Variants in ZNF317 observed in about 807,000 individuals in gnomAD.
The protein encoded by ZNF317 is KRAB-containing zinc finger protein 317.
ZNF317 carries 17 observed loss-of-function variants against 23.4 expected under a neutral mutation model. The observed-to-expected ratio is 0.73, with a 90% CI of 0.50 to 1.09. The LOEUF (loss-of-function observed/expected upper bound fraction) is 1.09. Among genes scored for constraint, ZNF317 ranks in the 50% least tolerant of loss-of-function variants. The pLI, the probability that ZNF317 is intolerant of heterozygous loss-of-function variation, is 0.00. For synonymous variants in ZNF317, 317 were observed against 314.9 expected (o/e 1.01, Z -0.07); for missense variants, 679 against 796.7 (o/e 0.85, Z 1.78).
At chr19:9,151,633 T>C (rs8107772) in intron 1 of ZNF317, among the ~76,000 whole-genome samples, 14,875 of 152,178 alleles carry the variant, frequency 0.098, 869 homozygotes, top group African/African-American at 0.17. Flanking sequence ...TTTGATGTTA[T>C]TTCCTTAATG....
At chr19:9,156,988 G>A (rs184311015) in intron 3 of ZNF317, 89 of 638,496 alleles carry the variant, frequency 1.4e-4, no homozygotes, top group Non-Finnish European at 1.8e-4. Context: ...CCCCAGAGAC[G>A]GGGGGAAATA....
At chr19:9,151,891 G>C (rs1038420626) in intron 1 of ZNF317, among the ~76,000 whole-genome samples, 10 of 149,834 alleles carry the variant, frequency 6.7e-5, no homozygotes, top group African/African-American at 2.5e-4. Flanking sequence ...CACCAGTGAA[G>C]CCCCTTGGTC....
intron 1 of ZNF317, among the ~76,000 whole-genome samples, chr19:9,142,101 C>T (rs777333127): frequency 9.2e-5 from 14 of 152,126 alleles, no homozygotes; most frequent in Non-Finnish European, 1.6e-4. Flanking sequence ...CCACGATGTC[C>T]GGCTCAGTAA....
intron 1 of ZNF317, among the ~76,000 whole-genome samples, chr19:9,142,300 CTTTT>C (rs962218430): frequency 1.3e-5 from 2 of 150,970 alleles, no homozygotes; most frequent in South Asian, 2.1e-4. Flanking sequence ...GATAAATTGT[CTTTT>C]TTGTTTGTTT....
chr19:9,160,382 G>C lies in ZNF317; in HGVS notation c.737G>C (p.Gly246Ala). 6.2e-7 allele frequency: 1 copy of C among 1,614,208 alleles called. No individual in the cohort carries two copies. The highest frequency in any genetic ancestry group is 8.5e-7 in the Non-Finnish European group (1 of 1,180,046). ...SLTRHRRIHT[G>A]EKPYECSDCG... is the part of the protein sequence containing the mutation. ...ACACGGCACAGGAGAATCCACACCG[G>C]GGAGAAGCCTTACGAGTGCAGCGAC... Residue 246 changes from glycine to alanine, a missense_variant, in exon 7 of 7, where the codon GGG (glycine) becomes GCG (alanine). By Grantham distance (60) the Gly-to-Ala change is moderately conservative. Coordinates refer to ENST00000247956, the MANE Select transcript of ZNF317 (RefSeq NM_020933.5). This position sits in a 1 kb window ranked among gnomAD's most constrained non-coding sequence, Gnocchi z 6.8.
intron 1 of ZNF317, among the ~76,000 whole-genome samples, chr19:9,155,475 A>G (rs1213337953): frequency 6.6e-6 from 1 of 152,134 alleles, no homozygotes; most frequent in Non-Finnish European, 1.5e-5. Context: ...TCTAGTGATG[A>G]TGCAGTCCAG....
intron 3 of ZNF317, chr19:9,157,062 C>G (rs2050791676): frequency 3.0e-6 from 2 of 665,850 alleles, no homozygotes; most frequent in Non-Finnish European, 5.0e-6. Context: ...AGGGTTGCAT[C>G]TGAAGTGACG....
rs375544712 is a variant in ZNF317, at chr19:9,158,900, G to A, written c.460G>A (p.Val154Met). 6 of 1,608,880 alleles carry A rather than the reference G, an allele frequency of 3.7e-6. No homozygotes were observed. Among genetic ancestry groups the A allele is most frequent in the Non-Finnish European group, 5.1e-6 (6 of 1,175,386 alleles). Residue 154 changes from valine (V) to methionine (M), a missense_variant, in exon 6 of 7, where the codon GTG becomes ATG. Coordinates refer to ENST00000247956, the MANE Select transcript of ZNF317 (RefSeq NM_020933.5). ...TTTTGGGAAGGAAACGCCCAGTGGTGTGACGATGGTAAGATTTCCGTGGGA... is the reference window on the plus strand; with the variant it reads ...TTTTGGGAAGGAAACGCCCAGTGGTATGACGATGGTAAGATTTCCGTGGGA... ...DIFGKETPSG[V>M]TMERAGLGEK...
At chr19:9,151,878 G>T (rs375777515) in intron 1 of ZNF317, among the ~76,000 whole-genome samples, 4 of 149,326 alleles carry the variant, frequency 2.7e-5, no homozygotes, top group Admixed American at 6.7e-5. Flanking sequence ...GTTTGGTAGG[G>T]TTCACCAGTG....
intron 1 of ZNF317, among the ~76,000 whole-genome samples, chr19:9,151,904 G>T (rs1382306592): frequency 7.3e-6 from 1 of 136,956 alleles, no homozygotes; most frequent in Non-Finnish European, 1.5e-5. Flanking sequence ...CCTTGGTCCT[G>T]GACTTTTTTT....
rs764217762 is a variant in ZNF317, at chr19:9,158,890, G to A, written c.450G>A (p.Thr150=). 8 of 1,610,866 alleles carry A rather than the reference G, an allele frequency of 5.0e-6. No individual in the cohort carries two copies. The highest frequency in any genetic ancestry group is 2.2e-5 in the East Asian group (1 of 44,844). Residue 150 remains threonine (T), a synonymous_variant, in exon 6 of 7, where the codon ACG becomes ACA. Transcript: ENST00000247956. The part of the protein sequence containing the change: ...LLMEDIFGKE[T]PSGVTMERAG... ...TGGAAGATATTTTTGGGAAGGAAACGCCCAGTGGTGTGACGATGGTAAGAT... is the reference window on the plus strand; with the variant it reads ...TGGAAGATATTTTTGGGAAGGAAACACCCAGTGGTGTGACGATGGTAAGAT...
rs754674233 is a variant in ZNF317 at position 9,140,445 on chromosome 19, T to G, written c.-240T>G. 3 of 452,794 alleles carry G rather than the reference T, an allele frequency of 6.6e-6. No individual in the cohort carries two copies. Among genetic ancestry groups the G allele is most frequent in the Admixed American group, 4.8e-5 (2 of 41,818 alleles). 28.0% of individuals were successfully genotyped at this position (452,794 alleles called of 1,614,324 possible). On this transcript the variant is annotated 5_prime_UTR_variant, in exon 1 of 7. An upstream start codon of the reference 5' UTR is lost. Transcript: ENST00000247956. ...CTGGAGTCGATTGCCCCGAGACACATGGGCCAAGGAGGGGTCAGCGGCGAA... is the reference window on the plus strand; with the variant it reads ...CTGGAGTCGATTGCCCCGAGACACAGGGGCCAAGGAGGGGTCAGCGGCGAA...
At position 9,160,903 on chromosome 19, in the gene ZNF317, T is replaced by G; in HGVS notation, c.1258T>G (p.Cys420Gly). The G allele has an allele frequency of 6.2e-7, 1 of 1,614,230 alleles. No individual in the cohort carries two copies. Among genetic ancestry groups the G allele is most frequent in the Non-Finnish European group, 8.5e-7 (1 of 1,180,028 alleles). ...RIHIVKKPVE[C>G]RQCGKTFRNQ... ...TCACATCGTCAAGAAACCCGTGGAA[T>G]GTCGGCAGTGCGGGAAGACCTTCCG... The change falls in exon 7 of 7, where the codon TGT (cysteine) becomes GGT (glycine). Residue 420 changes from cysteine (C) to glycine (G), a missense_variant. Cys to Gly is a radical substitution (Grantham distance 159). Transcript: ENST00000247956. This position sits in a 1 kb window ranked among gnomAD's most constrained non-coding sequence, Gnocchi z 6.8.
intron 2 of ZNF317, among the ~76,000 whole-genome samples, 190 bp downstream of exon 2, chr19:9,156,231 G>A (rs1337299478): frequency 1.3e-5 from 2 of 152,156 alleles, no homozygotes; most frequent in African/African-American, 4.8e-5. Flanking sequence ...GGGTCTGGGA[G>A]CAGGCCAGTG....
At chr19:9,149,350 T>C (rs1184509661) in intron 1 of ZNF317, among the ~76,000 whole-genome samples, 1 of 152,022 alleles carries the variant, frequency 6.6e-6, no homozygotes, top group Non-Finnish European at 1.5e-5. Flanking sequence ...GGCACACCTA[T>C]AGTCCCAGCT....
intron 1 of ZNF317, among the ~76,000 whole-genome samples, chr19:9,149,388 C>G (rs2050716809): frequency 6.6e-6 from 1 of 152,090 alleles, no homozygotes; most frequent in African/African-American, 2.4e-5. Flanking sequence ...GGGAGAATCA[C>G]TTGAACCCGG....
chr19:9,156,620 A>C lies in ZNF317; in HGVS notation c.34A>C (p.Thr12Pro), dbSNP rs2050785934. ...CCTGTTTTCTCCTCCAGCCACGTCCACCCAGGATTCCACCTGTCTCCAGGA... is the reference window on the plus strand; with the variant it reads ...CCTGTTTTCTCCTCCAGCCACGTCCCCCCAGGATTCCACCTGTCTCCAGGA... The part of the protein sequence containing the change: ...AALSPTFATS[T>P]QDSTCLQDSE... The change falls in exon 3 of 7, where the codon ACC becomes CCC. Residue 12 changes from threonine to proline, a missense_variant. Physicochemically the swap from Thr to Pro is conservative, Grantham distance 38 (BLOSUM62 -1). Transcript: ENST00000247956. 6 of 1,613,830 alleles carry C rather than the reference A, an allele frequency of 3.7e-6. No homozygotes were observed. Among genetic ancestry groups the C allele is most frequent in the Non-Finnish European group, 5.1e-6 (6 of 1,179,928 alleles).
At chr19:9,142,347 TG>T (rs2050639913) in intron 1 of ZNF317, among the ~76,000 whole-genome samples, 1 of 152,166 alleles carries the variant, frequency 6.6e-6, no homozygotes, top group South Asian at 2.1e-4. Flanking sequence ...CTGGACTGGG[TG>T]GGGACTTCCC....
intron 1 of ZNF317, among the ~76,000 whole-genome samples, chr19:9,143,643 T>C (rs2050654459): frequency 6.6e-6 from 1 of 152,116 alleles, no homozygotes; most frequent in East Asian, 1.9e-4. Context: ...TGCTGTCTCA[T>C]CATGTTCAAT....
Sources: gnomAD v4.1 joint callset for allele counts (sites outside exome capture counted in the v4.1 genomes callset) on GRCh38, gnomAD v4.1.1 for gene constraint, Gnocchi (gnomAD v3.1) non-coding constraint, MANE v1.5 for transcripts, NCBI Gene and HGNC (gene_info 2026-07-23, HGNC 2026-07-21) for gene names.